Variants in RPE65 observed in about 807,000 individuals in gnomAD.
The protein encoded by RPE65 is retinoid isomerohydrolase.
RPE65 carries 58 observed loss-of-function variants against 68.5 expected under a neutral mutation model. The ratio of observed to expected loss-of-function variants is 0.85; its 90% CI spans 0.69 to 1.05. The LOEUF (loss-of-function observed/expected upper bound fraction) is 1.05, where lower values mean the gene tolerates loss of function less well. Among genes scored for constraint, RPE65 ranks in the 50% least tolerant of loss-of-function variants. The pLI, the probability that RPE65 is intolerant of heterozygous loss-of-function variation, is 0.00. For missense variants in RPE65, 643 were observed against 629.9 expected (o/e 1.02, Z -0.22); for synonymous variants, 220 against 222.2 (o/e 0.99, Z 0.09).
At chr1:68,433,766 G>T (rs74081908) in intron 10 of RPE65, among the ~76,000 whole-genome samples, 4 of 152,064 alleles carry the variant, frequency 2.6e-5, no homozygotes, top group Admixed American at 6.6e-5. Context: ...AAGCATGGAG[G>T]GGGTGGAGAG....
intron 5 of RPE65, among the ~76,000 whole-genome samples, chr1:68,442,673 A>T (rs1645911427): frequency 6.6e-6 from 1 of 152,224 alleles, no homozygotes; most frequent in Non-Finnish European, 1.5e-5. Flanking sequence ...CTCCTAATAA[A>T]GTCTATTCTG....
intron 2 of RPE65, among the ~76,000 whole-genome samples, chr1:68,447,137 T>C (rs758551097): frequency 3.3e-5 from 5 of 152,242 alleles, no homozygotes; most frequent in Middle Eastern, 3.4e-3. Context: ...CTTGAGAGGA[T>C]TGGGACTCTC....
chr1:68,443,355 C>T (rs1465937491), intron 5 of RPE65, among the ~76,000 whole-genome samples: 1 of 152,166 alleles, frequency 6.6e-6, no homozygotes, highest in Non-Finnish European at 1.5e-5. Context: ...GCCAGGGATG[C>T]CAAACCTCTC....
chr1:68,440,709 G>A (rs1280875014), intron 6 of RPE65, 144 bp downstream of exon 6: 4 of 1,011,046 alleles, frequency 4.0e-6, no homozygotes, highest in East Asian at 5.2e-5. Context: ...TATAGGGTAG[G>A]GATGAGGGCA....
chr1:68,444,462 A>G (rs1321375529), intron 5 of RPE65, 69 bp downstream of exon 5: 1 of 1,576,898 alleles, frequency 6.3e-7, no homozygotes, highest in Admixed American at 1.7e-5. Context: ...CAGCATGAAT[A>G]ATTTATGTTG....
At chr1:68,440,387 T>C (rs1645893867) in intron 6 of RPE65, among the ~76,000 whole-genome samples, 1 of 152,226 alleles carries the variant, frequency 6.6e-6, no homozygotes, top group Non-Finnish European at 1.5e-5. Flanking sequence ...TGTAGTTCTT[T>C]TTCTATAGTA....
rs373882259 is a variant in RPE65 at position 68,431,080 on chromosome 1, A to G, written c.1435T>C (p.Leu479=). The G allele has an allele frequency of 5.5e-5, 89 of 1,613,478 alleles. No homozygotes were observed. The African/African-American group carries it at 1.0e-3, about 19-fold the overall frequency. Residue 479 remains leucine (L), a synonymous_variant, in exon 13 of 14, where the codon TTG becomes CTG. Coordinates refer to ENST00000262340, the MANE Select transcript of RPE65 (RefSeq NM_000329.3). The stretch of plus-strand genomic sequence containing the variant: ...CTTTCATTACCATCATCTTCTTCCA[A>G]GGCATCTGGGTGAGAAACAAAGATG... The part of the protein sequence containing the change: ...EPIFVSHPDA[L]EEDDGVVLSV...
chr1:68,440,716 G>T, intron 6 of RPE65, 137 bp downstream of exon 6: 1 of 1,089,790 alleles, frequency 9.2e-7, no homozygotes, highest in Non-Finnish European at 1.3e-6. Context: ...TAGGGATGAG[G>T]GCAGTACTTC....
At chr1:68,444,951 G>T in intron 3 of RPE65, 68 bp from the exon 4 acceptor site, 2 of 1,326,152 alleles carry the variant, frequency 1.5e-6, no homozygotes, top group Non-Finnish European at 1.1e-6. Context: ...GTGGAGCTTA[G>T]AATGGCCATT....
chr1:68,433,088 T>C (rs1645838050), intron 10 of RPE65, among the ~76,000 whole-genome samples: 1 of 152,188 alleles, frequency 6.6e-6, no homozygotes, highest in Admixed American at 6.5e-5. Context: ...CTTGTCTTAT[T>C]AGACTTGAGA....
Position 68,448,679 on chromosome 1 carries a change from C to T in RPE65, c.39G>A (p.Lys13=). Residue 13 remains lysine (K), a synonymous_variant, in exon 2 of 14, where the codon AAG becomes AAA. Transcript: ENST00000262340. ...IQVEHPAGGY[K]KLFETVEELS... is the part of the protein sequence containing the mutation. ...GTTCCTCCACAGTTTCAAACAGTTT[C>T]TTGTAACCACCAGCAGGATGCTCAA... The T allele has an allele frequency of 6.2e-7, 1 of 1,613,818 alleles. No homozygotes were observed. The highest frequency in any genetic ancestry group is 8.5e-7 in the Non-Finnish European group (1 of 1,179,930).
rs199683808 is a variant in RPE65 at position 68,448,644 on chromosome 1, G to A, written c.74C>T (p.Pro25Leu). The A allele has an allele frequency of 2.3e-5, 37 of 1,613,730 alleles. No homozygotes were observed. Among genetic ancestry groups the A allele is most frequent in the South Asian group, 6.6e-5 (6 of 91,046 alleles). Residue 25 changes from proline (P) to leucine (L), a missense_variant, in exon 2 of 14, where the codon CCG becomes CTG. Pro to Leu is a moderately conservative substitution (Grantham distance 98, BLOSUM62 -3). Transcript: ENST00000262340. The part of the protein sequence containing the change: ...LFETVEELSS[P>L]LTAHVTGRIP... ...CCAACCTGTTACATGAGCTGTGAGC[G>A]GCGAGGACAGTTCCTCCACAGTTTC...
At chr1:68,442,565 C>T (rs1645910804) in intron 5 of RPE65, among the ~76,000 whole-genome samples, 1 of 152,136 alleles carries the variant, frequency 6.6e-6, no homozygotes. Flanking sequence ...TTAAGGGAAT[C>T]AGGCTGGAGG....
intron 10 of RPE65, among the ~76,000 whole-genome samples, chr1:68,437,151 A>G (rs1198471413): frequency 6.6e-6 from 1 of 152,168 alleles, no homozygotes. Flanking sequence ...AAATACTTAA[A>G]TGGCTCCCTA....
intron 2 of RPE65, among the ~76,000 whole-genome samples, chr1:68,447,247 G>A (rs1324071085): frequency 1.3e-5 from 2 of 152,202 alleles, no homozygotes; most frequent in African/African-American, 4.8e-5. Context: ...GGAGTGAGGA[G>A]TAGAAGTATG....
In RPE65 at chr1:68,432,627, A is replaced by AG. The variant is rs113334710; in HGVS notation, c.1129-1043dup. On this transcript the variant is annotated intron_variant, in intron 10 of 13. Transcript: ENST00000262340. Reference sequence around the variant, plus strand: ...AGCTAGGGGAGAGAATAAGAAAGGAAGGTGGGGAGGTCACGAGCCAGGCTG... The same window carrying AG: ...AGCTAGGGGAGAGAATAAGAAAGGAAGGGTGGGGAGGTCACGAGCCAGGCTG... Among the ~76,000 whole-genome samples the AG allele has an allele frequency of 1.8e-3, 275 of 152,236 alleles. 1 individual carries two copies. The highest frequency in any genetic ancestry group is 5.1e-3 in the African/African-American group (212 of 41,552).
In RPE65 at chr1:68,438,987, T is replaced by A; in HGVS notation, c.953A>T (p.Tyr318Phe). The change falls in exon 9 of 14, where the codon TAT becomes TTT. Residue 318 changes from tyrosine (Y) to phenylalanine (F), a missense_variant. By Grantham distance (22) the Tyr-to-Phe change is conservative (BLOSUM62 3). Coordinates refer to ENST00000262340, the MANE Select transcript of RPE65 (RefSeq NM_000329.3). ...PFNLFHHINT[Y>F]EDNGFLIVDL... ...CACAATCAGAAACCCATTGTCTTCA[T>A]AGGTGTTGATGTGATGGAAGAGGTT... 1 of 1,614,078 alleles carries A rather than the reference T, an allele frequency of 6.2e-7. No individual in the cohort carries two copies. Among genetic ancestry groups the A allele is most frequent in the Non-Finnish European group, 8.5e-7 (1 of 1,179,956 alleles).
chr1:68,429,893 T>G lies in RPE65; in HGVS notation c.1485A>C (p.Ala495=), dbSNP rs753956649. The G allele has an allele frequency of 1.2e-6, 2 of 1,613,880 alleles. No individual in the cohort carries two copies. The highest frequency in any genetic ancestry group is 1.7e-5 in the Admixed American group (1 of 59,980). The change falls in exon 14 of 14, where the codon GCA becomes GCC. Residue 495 remains alanine (A), a synonymous_variant. Transcript: ENST00000262340. ...VVLSVVVSPG[A]GQKPAYLLIL... is the part of the protein sequence containing the mutation. ...TCAGGAGATAAGCAGGCTTTTGTCCTGCTCCTGGGCTCACCACCACACTCA... is the reference window on the plus strand; with the variant it reads ...TCAGGAGATAAGCAGGCTTTTGTCCGGCTCCTGGGCTCACCACCACACTCA...
At chr1:68,438,048 AG>A (rs1645873427) in intron 10 of RPE65, 138 bp downstream of exon 10, 9 of 1,001,190 alleles carry the variant, frequency 9.0e-6, no homozygotes, top group Non-Finnish European at 1.2e-5. Flanking sequence ...AAATGAAGGA[AG>A]TTTAATTAGC....
Sources: gnomAD v4.1 joint callset for allele counts (sites outside exome capture counted in the v4.1 genomes callset) on GRCh38, gnomAD v4.1.1 for gene constraint, MANE v1.5 for transcripts, NCBI Gene and HGNC (gene_info 2026-07-23, HGNC 2026-07-21) for gene names.